DNPEP: variants seen among roughly 807,000 people sequenced by gnomAD.
DNPEP encodes aspartyl aminopeptidase.
A neutral mutation model predicts 59.1 loss-of-function variants in DNPEP; 46 were observed. The ratio of observed to expected loss-of-function variants is 0.78; its 90% CI spans 0.61 to 0.99. The LOEUF is 0.99. Ranked by LOEUF, DNPEP falls within the 50% of genes least tolerant of loss-of-function variation. The pLI is 0.00. For synonymous variants in DNPEP, 229 were observed against 242.2 expected (o/e 0.95, Z 0.50); for missense variants, 617 against 649.9 (o/e 0.95, Z 0.55).
chr2:219,397,043 G>A (rs552640731), intron 1 of DNPEP, among the ~76,000 whole-genome samples: 2 of 152,324 alleles, frequency 1.3e-5, no homozygotes, highest in East Asian at 3.9e-4. Flanking sequence ...AAGGTCTTAA[G>A]ATGTATCCCC....
Position 219,372,076 on chromosome 2 carries a change from C to A in DNPEP, c.*2216G>T, listed in dbSNP as rs1953209041. 6.6e-6 allele frequency among the ~76,000 whole-genome samples: 1 copy of A among 152,250 alleles called. No homozygotes were observed. Among genetic ancestry groups the A allele is most frequent in the Admixed American group, 6.5e-5 (1 of 15,284 alleles). ...TCTCAATGTTATTTAGAGTTGTCAA[C>A]TGGAGAAAAACTTAAATGACCATTA... On this transcript the variant is annotated 3_prime_UTR_variant, in exon 15 of 15. Transcript: ENST00000273075.
Position 219,387,074 on chromosome 2 carries a change from G to A in DNPEP, c.126C>T (p.Phe42=). Residue 42 remains phenylalanine (F), a synonymous_variant, in exon 2 of 15, where the codon TTC becomes TTT. Transcript: ENST00000273075. ...CTTGCCCTGGCCACCGCTTACCATG[G>A]AAAGGAGAGGGACTCCGGTTCACGA... ...LKFVNRSPSP[F]HAVAECRNRL... The A allele has an allele frequency of 6.2e-7, 1 of 1,604,408 alleles. No individual in the cohort carries two copies. The highest frequency in any genetic ancestry group is 8.5e-7 in the Non-Finnish European group (1 of 1,174,892).
At chr2:219,375,084 C>T (rs944535369) in intron 13 of DNPEP, 62 bp from the exon 14 acceptor site, 226 of 1,565,086 alleles carry the variant, frequency 1.4e-4, no homozygotes, top group Non-Finnish European at 1.8e-4. Context: ...CCAAGGAGGA[C>T]GCCATCTTAG....
At chr2:219,376,022 T>A (rs1358350960) in intron 13 of DNPEP, among the ~76,000 whole-genome samples, 2 of 152,128 alleles carry the variant, frequency 1.3e-5, no homozygotes, top group Non-Finnish European at 2.9e-5. Flanking sequence ...GAACAAGACA[T>A]GTCTACAATT....
Position 219,384,416 on chromosome 2 carries a change from T to C in DNPEP, c.802A>G (p.Ile268Val), listed in dbSNP as rs1396500898. The change falls in exon 9 of 15, where the codon ATC becomes GTC. Residue 268 changes from isoleucine to valine, a missense_variant. By Grantham distance (29) the Ile-to-Val change is conservative. Transcript: ENST00000273075. ...AVLGGAYDEF[I>V]FAPRLDNLHS... ...AGATTGTCCAGCCGAGGAGCAAAGA[T>C]GAACTCATCATAGGCACCACCCAAG... is the stretch of plus-strand genomic sequence containing the variant. The C allele has an allele frequency of 2.5e-6, 4 of 1,612,002 alleles. No homozygotes were observed. Among genetic ancestry groups the C allele is most frequent in the Non-Finnish European group, 3.4e-6 (4 of 1,179,052 alleles).
At position 219,385,958 on chromosome 2, in the gene DNPEP, C is replaced by A; in HGVS notation, c.590+10G>T. 6.2e-7 allele frequency: 1 copy of A among 1,613,986 alleles called. No homozygotes were observed. Among genetic ancestry groups the A allele is most frequent in the Non-Finnish European group, 8.5e-7 (1 of 1,179,890 alleles). ...CCCTCCCAGCCACCGCAGCCCTGCC[C>A]CAGTCTCACAGATGCATCTCTGTGT... On this transcript the variant is annotated intron_variant, in intron 6 of 14. Transcript: ENST00000273075.
chr2:219,380,385 C>T (rs992947390), intron 13 of DNPEP, among the ~76,000 whole-genome samples: 1 of 151,780 alleles, frequency 6.6e-6, no homozygotes, highest in African/African-American at 2.4e-5. Flanking sequence ...CTCCGCCTGC[C>T]TAATTTTTGT....
At chr2:219,383,317 T>C in intron 9 of DNPEP, 103 bp from the exon 10 acceptor site, 1 of 932,024 alleles carries the variant, frequency 1.1e-6, no homozygotes, top group Admixed American at 1.9e-5. Flanking sequence ...CACCAGCACC[T>C]TGGGTGTGCA....
At position 219,387,611 on chromosome 2, in the gene DNPEP, G is replaced by T. The variant is rs1953906251; in HGVS notation, c.36+148C>A. The stretch of plus-strand genomic sequence containing the variant: ...GCAGGACTCCCCCTTCCAGTCCCGG[G>T]AAAGTCGTCAGGTCACCCTCCGCGG... On this transcript the variant is annotated intron_variant, in intron 1 of 14. Coordinates refer to ENST00000273075, the MANE Select transcript of DNPEP (RefSeq NM_012100.4). 6 of 1,537,954 alleles carry T rather than the reference G, an allele frequency of 3.9e-6. No homozygotes were observed. In the Admixed American group the frequency reaches 1.2e-4, roughly 31 times the overall value.
At chr2:219,380,422 A>G (rs1419470779) in intron 13 of DNPEP, among the ~76,000 whole-genome samples, 1 of 151,928 alleles carries the variant, frequency 6.6e-6, no homozygotes, top group African/African-American at 2.4e-5. Flanking sequence ...GGGTTTCACC[A>G]TGTTGGCCAG....
In DNPEP at chr2:219,372,179, G is replaced by A. The variant is rs1465597349; in HGVS notation, c.*2113C>T. On this transcript the variant is annotated 3_prime_UTR_variant, in exon 15 of 15. Transcript: ENST00000273075. ...ATTGTAAGAGTAAATACAGTGTGAG[G>A]GTAAAATTTTTTACATAAGTAATAC... Among the ~76,000 whole-genome samples, 1 of 151,892 alleles carries A rather than the reference G, an allele frequency of 6.6e-6. No individual in the cohort carries two copies. Among genetic ancestry groups the A allele is most frequent in the Admixed American group, 6.6e-5 (1 of 15,220 alleles).
At chr2:219,390,476 T>G (rs1953998642), upstream of DNPEP, among the ~76,000 whole-genome samples, 1 of 152,210 alleles carries the variant, frequency 6.6e-6, no homozygotes, top group Non-Finnish European at 1.5e-5. Context: ...AGGGCTATAT[T>G]TACAAGAGCA....
intron 1 of DNPEP, among the ~76,000 whole-genome samples, chr2:219,397,677 A>G (rs994472300): frequency 2.6e-5 from 4 of 152,246 alleles, no homozygotes; most frequent in Non-Finnish European, 4.4e-5. Context: ...TTTGACAATT[A>G]TCGGGGTACA....
rs1468471857 is a variant in DNPEP at position 219,375,000 on chromosome 2, G to A, written c.1262C>T (p.Thr421Ile). ...PLQDLMVRND[T>I]PCGTTIGPIL... ...AGGTCCAATGGTGGTTCCACAGGGG[G>A]TGTCATTCCGGACCATGAGATCCTA... The change falls in exon 14 of 15, where the codon ACC becomes ATC. Residue 421 changes from threonine to isoleucine, a missense_variant. Coordinates refer to ENST00000273075, the MANE Select transcript of DNPEP (RefSeq NM_012100.4). The A allele has an allele frequency of 9.3e-6, 15 of 1,614,018 alleles. No homozygotes were observed. The highest frequency in any genetic ancestry group is 1.3e-5 in the Non-Finnish European group (15 of 1,180,040).
At position 219,386,079 on chromosome 2, in the gene DNPEP, A is replaced by C. The variant is rs1398584525; in HGVS notation, c.479T>G (p.Leu160Arg). The part of the protein sequence containing the change: ...VIVKCPTSGR[L>R]EQQLVHVERP... ...CTCCACGTGCACCAGCTGCTGCTCC[A>C]GCCGACCTGAGGTAGGGCACTGCAG... Residue 160 changes from leucine to arginine, a missense_variant, in exon 6 of 15, where the codon CTG becomes CGG. Transcript: ENST00000273075. 1 of 1,613,954 alleles carries C rather than the reference A, an allele frequency of 6.2e-7. No homozygotes were observed. The highest frequency in any genetic ancestry group is 2.2e-5 in the East Asian group (1 of 44,882).
intron 13 of DNPEP, among the ~76,000 whole-genome samples, chr2:219,378,256 C>T (rs1357010287): frequency 1.3e-5 from 2 of 152,242 alleles, no homozygotes; most frequent in African/African-American, 4.8e-5. Flanking sequence ...TGTATCATCA[C>T]TGAGCTGGGC....
rs895670163 is a variant in DNPEP at position 219,393,968 on chromosome 2, T to G, written c.-158+5972A>C. Among the ~76,000 whole-genome samples, 71 of 152,156 alleles carry G rather than the reference T, an allele frequency of 4.7e-4. 1 individual carries two copies. The highest frequency in any genetic ancestry group is 2.3e-3 in the Admixed American group (35 of 15,272). ...CAACTCTTCTTCCCTTTCTCCTGCA[T>G]TATCAATCTCCACAGTTCTGGCGGG... is the stretch of plus-strand genomic sequence containing the variant. On this transcript the variant is annotated intron_variant, in intron 1 of 6. Coordinates refer to the DNPEP transcript ENST00000434339.
At chr2:219,387,292 G>A in intron 1 of DNPEP, 129 bp from the exon 2 acceptor site, 9 of 1,448,170 alleles carry the variant, frequency 6.2e-6, no homozygotes, top group Non-Finnish European at 6.4e-6. Context: ...GCTTCCGCCC[G>A]TCCCCACCGA....
At chr2:219,383,043 G>A (rs893843162) in intron 10 of DNPEP, 88 bp downstream of exon 10, 160 of 1,265,638 alleles carry the variant, frequency 1.3e-4, no homozygotes, top group Non-Finnish European at 1.2e-4. Flanking sequence ...GCCCCCAGAA[G>A]AGCCCTGGCT....
Sources: gnomAD v4.1 joint callset for allele counts (sites outside exome capture counted in the v4.1 genomes callset) on GRCh38, gnomAD v4.1.1 for gene constraint, MANE v1.5 for transcripts, NCBI Gene and HGNC (gene_info 2026-07-23, HGNC 2026-07-21) for gene names.